PON3: variants seen among roughly 807,000 people sequenced by gnomAD.
PON3 encodes serum paraoxonase/lactonase 3.
Under a neutral mutation model 36.3 loss-of-function variants are expected in PON3, and 37 were observed. The observed-to-expected ratio is 1.02, with a 90% CI of 0.78 to 1.34. The LOEUF (loss-of-function observed/expected upper bound fraction) is 1.34. PON3 is among the 40% of genes most tolerant of loss of function. The pLI, the probability that PON3 is intolerant of heterozygous loss-of-function variation, is 0.00. For missense variants in PON3, 415 were observed against 426.5 expected, an observed-to-expected ratio of 0.97 and a Z score of 0.24; for synonymous variants, 155 against 154.8, an observed-to-expected ratio of 1.00 and a Z score of -0.01.
At chr7:95,392,787 T>C (rs1809346239) in intron 2 of PON3, among the ~76,000 whole-genome samples, 1 of 152,240 alleles carries the variant, frequency 6.6e-6, no homozygotes, top group Non-Finnish European at 1.5e-5. Flanking sequence ...ACAATTCTGC[T>C]ACTTCCATGT....
At chr7:95,385,307 C>G (rs1809163312) in intron 3 of PON3, among the ~76,000 whole-genome samples, 1 of 152,038 alleles carries the variant, frequency 6.6e-6, no homozygotes. Flanking sequence ...ACATATGTAA[C>G]AAACCTGCAC....
intron 8 of PON3, among the ~76,000 whole-genome samples, chr7:95,360,555 G>C (rs2116371461): frequency 6.6e-6 from 1 of 152,284 alleles, no homozygotes; most frequent in Non-Finnish European, 1.5e-5. Context: ...TGGGATGGCA[G>C]TCATCACAGC....
At chr7:95,366,892 G>T (rs1281480117) in intron 5 of PON3, among the ~76,000 whole-genome samples, 1 of 152,220 alleles carries the variant, frequency 6.6e-6, no homozygotes, top group Non-Finnish European at 1.5e-5. Context: ...CTTAACAAAT[G>T]TAATTTTTAT....
chr7:95,360,424 T>G (rs1808542068), intron 8 of PON3, among the ~76,000 whole-genome samples: 1 of 152,146 alleles, frequency 6.6e-6, no homozygotes, highest in Non-Finnish European at 1.5e-5. Context: ...AGTTCTCAAG[T>G]GGATGGTGGT....
intron 2 of PON3, 77 bp from the exon 3 acceptor site, chr7:95,390,286 T>C (rs1439486027): frequency 4.3e-6 from 5 of 1,163,262 alleles, no homozygotes; most frequent in Non-Finnish European, 6.5e-6. Context: ...AAACTACAAA[T>C]ATCTTTTGGA....
intron 1 of PON3, among the ~76,000 whole-genome samples, chr7:95,395,259 G>T (rs1055719606): frequency 1.3e-5 from 2 of 152,084 alleles, no homozygotes; most frequent in South Asian, 2.1e-4. Context: ...ACAATTGGCC[G>T]ATTTATTTTT....
chr7:95,379,868 CA>C (rs544305487), intron 3 of PON3, among the ~76,000 whole-genome samples: 9 of 152,188 alleles, frequency 5.9e-5, no homozygotes, highest in Non-Finnish European at 1.0e-4. Flanking sequence ...GTTCTCCCAG[CA>C]CGCAGCTTGA....
intron 3 of PON3, among the ~76,000 whole-genome samples, chr7:95,386,935 GC>G (rs1340311904): frequency 6.6e-6 from 1 of 152,008 alleles, no homozygotes; most frequent in East Asian, 1.9e-4. Flanking sequence ...AAATTCAACA[GC>G]CCTTCATGCT....
intron 3 of PON3, among the ~76,000 whole-genome samples, chr7:95,384,591 A>C (rs1369908308): frequency 6.6e-6 from 1 of 152,240 alleles, no homozygotes; most frequent in East Asian, 1.9e-4. Flanking sequence ...CAACAGACCC[A>C]TGAAAAAATG....
intron 6 of PON3, chr7:95,363,358 A>G (rs1808619472): frequency 5.5e-6 from 1 of 182,548 alleles, no homozygotes; most frequent in East Asian, 1.4e-4. Context: ...CACTTTTTAA[A>G]AGTGTTTTCT....
intron 1 of PON3, chr7:95,395,881 C>T: frequency 3.2e-6 from 1 of 314,692 alleles, no homozygotes; most frequent in South Asian, 3.0e-5. Flanking sequence ...TCTCAGTCAG[C>T]CGTAAACATC....
intron 3 of PON3, among the ~76,000 whole-genome samples, chr7:95,381,835 G>C (rs1281507748): frequency 6.6e-6 from 1 of 152,140 alleles, no homozygotes; most frequent in Non-Finnish European, 1.5e-5. Flanking sequence ...ATTGAATTCA[G>C]CTCTGCACCA....
intron 3 of PON3, among the ~76,000 whole-genome samples, chr7:95,382,715 C>T (rs1809090178): frequency 1.3e-5 from 2 of 152,130 alleles, no homozygotes; most frequent in Non-Finnish European, 2.9e-5. Context: ...TAATTAATAG[C>T]TTACCAACCA....
intron 2 of PON3, among the ~76,000 whole-genome samples, chr7:95,394,088 T>G (rs17878448): frequency 0.032 from 4,881 of 151,976 alleles, 158 homozygotes; most frequent in African/African-American, 0.084. Context: ...TTAGTAGAGA[T>G]GGGGTTTCAC....
At chr7:95,372,800 A>G (rs1463159269) in intron 3 of PON3, among the ~76,000 whole-genome samples, 4 of 152,168 alleles carry the variant, frequency 2.6e-5, no homozygotes, top group African/African-American at 9.7e-5. Context: ...CCATTCCTAC[A>G]TCGATTATAT....
At position 95,382,115 on chromosome 7, in the gene PON3, T is replaced by C. The variant is rs544147716; in HGVS notation, c.201+8039A>G. On this transcript the variant is annotated intron_variant, in intron 3 of 8. Transcript: ENST00000265627. The stretch of plus-strand genomic sequence containing the variant: ...TCCTGAATGACTACTGGGTACATAA[T>C]GAAATGAAGGCAGAAATAAAGATGT... Among the ~76,000 whole-genome samples, 11 of 152,134 alleles carry C rather than the reference T, an allele frequency of 7.2e-5. No homozygotes were observed. In the South Asian group the frequency reaches 1.9e-3, roughly 26 times the overall value.
intron 2 of PON3, among the ~76,000 whole-genome samples, chr7:95,393,751 T>C (rs892453461): frequency 2.6e-5 from 4 of 152,006 alleles, no homozygotes; most frequent in East Asian, 1.9e-4. Context: ...AAATGTAAAA[T>C]AGATTTCAGC....
At chr7:95,379,479 C>A (rs931478818) in intron 3 of PON3, among the ~76,000 whole-genome samples, 2 of 152,240 alleles carry the variant, frequency 1.3e-5, no homozygotes, top group African/African-American at 4.8e-5. Context: ...ACAGACGGCA[C>A]CTGGAAAATC....
rs1444328751 is a variant in PON3 at position 95,363,916 on chromosome 7, C to A, written c.642G>T (p.Val214=). 6.2e-7 allele frequency: 1 copy of A among 1,613,660 alleles called. No individual in the cohort carries two copies. Among genetic ancestry groups the A allele is most frequent in the Non-Finnish European group, 8.5e-7 (1 of 1,179,736 alleles). The stretch of plus-strand genomic sequence containing the variant: ...TGGCACTACAAAATCCTTTGGCCAC[C>A]ACTTTAACCTCCCTTGGGCTGTAGA... ...VLFYSPREVK[V]VAKGFCSANG... is the part of the protein sequence containing the mutation. Residue 214 remains valine, a synonymous_variant, in exon 6 of 9, where the codon GTG becomes GTT. Coordinates refer to ENST00000265627, the MANE Select transcript of PON3 (RefSeq NM_000940.3).
Sources: allele counts gnomAD v4.1 joint callset (sites outside exome capture counted in the v4.1 genomes callset), GRCh38; gene constraint gnomAD v4.1.1; transcripts MANE v1.5; gene names NCBI Gene and HGNC (gene_info 2026-07-23, HGNC 2026-07-21).